The following MINDY4 variants were observed in gnomAD, a reference collection of about 807,000 sequenced individuals.
MINDY4 encodes the protein MINDY lysine 48 deubiquitinase 4, also known as probable ubiquitin carboxyl-terminal hydrolase MINDY-4.
Under a neutral mutation model 87.0 loss-of-function variants are expected in MINDY4, and 68 were observed. The ratio of observed to expected loss-of-function variants is 0.78; its 90% confidence interval spans 0.64 to 0.96. The LOEUF is 0.96. Among genes scored for constraint, MINDY4 ranks in the 40% least tolerant of loss-of-function variants. MINDY4 has a pLI of 0.00. For missense variants in MINDY4, 919 were observed against 928.2 expected, an observed-to-expected ratio of 0.99 and a Z score of 0.13; for synonymous variants, 379 against 363.2, an observed-to-expected ratio of 1.04 and a Z score of -0.50.
chr7:30,813,819 TCTC>T (rs1007927618), intron 5 of MINDY4, among the ~76,000 whole-genome samples: 2 of 152,232 alleles, frequency 1.3e-5, no homozygotes, highest in African/African-American at 4.8e-5. Context: ...CATGTTTCTT[TCTC>T]CTTCTTCTAA....
At chr7:30,847,286 A>G (rs1254788912) in intron 9 of MINDY4, among the ~76,000 whole-genome samples, 1 of 152,238 alleles carries the variant, frequency 6.6e-6, no homozygotes, top group Non-Finnish European at 1.5e-5. Flanking sequence ...TGGCAGAGTT[A>G]CTAACTGGAA....
At chr7:30,782,259 A>G in intron 3 of MINDY4, 47 bp downstream of exon 3, 5 of 1,438,736 alleles carry the variant, frequency 3.5e-6, no homozygotes, top group Non-Finnish European at 3.8e-6. Context: ...TTGCTGCCAT[A>G]ACAAATTACT....
chr7:30,887,662 C>T (rs1790671213), intron 17 of MINDY4, among the ~76,000 whole-genome samples: 2 of 152,218 alleles, frequency 1.3e-5, no homozygotes, highest in South Asian at 4.1e-4. Flanking sequence ...GAACAGCTGG[C>T]CTGGTGGGGG....
At chr7:30,849,193 T>C (rs559086306) in intron 9 of MINDY4, among the ~76,000 whole-genome samples, 1 of 152,268 alleles carries the variant, frequency 6.6e-6, no homozygotes, top group Admixed American at 6.5e-5. Flanking sequence ...TCTCCTGTCC[T>C]GGAAAAGAGG....
intron 8 of MINDY4, among the ~76,000 whole-genome samples, 173 bp downstream of exon 8, chr7:30,839,489 G>A (rs1456337381): frequency 1.3e-5 from 2 of 152,338 alleles, no homozygotes; most frequent in Non-Finnish European, 1.5e-5. Flanking sequence ...TGTGGCTGGT[G>A]CAGCAAGAGC....
intron 5 of MINDY4, among the ~76,000 whole-genome samples, chr7:30,818,882 C>T (rs557161753): frequency 1.2e-3 from 184 of 152,246 alleles, no homozygotes; most frequent in African/African-American, 4.0e-3. Flanking sequence ...ATACTAGTTT[C>T]TTCTTACTGA....
chr7:30,811,221 T>C (rs1401320040), intron 5 of MINDY4, among the ~76,000 whole-genome samples: 3 of 152,064 alleles, frequency 2.0e-5, no homozygotes, highest in Admixed American at 2.0e-4. Flanking sequence ...ACATGTATTA[T>C]AGTAACTTAT....
chr7:30,791,714 TA>T (rs60449260), intron 5 of MINDY4, 140 bp downstream of exon 5: 37,206 of 913,832 alleles, frequency 0.041, 895 homozygotes, highest in Middle Eastern at 0.065. Context: ...ACCGGCAAGG[TA>T]GAGTTTGTTA....
At chr7:30,790,252 G>A (rs913443279) in intron 4 of MINDY4, among the ~76,000 whole-genome samples, 1 of 152,024 alleles carries the variant, frequency 6.6e-6, no homozygotes, top group African/African-American at 2.4e-5. Context: ...TTTTGGAAAG[G>A]AAGTACAGTG....
chr7:30,832,244 C>T lies in MINDY4; in HGVS notation c.1132+3507C>T, dbSNP rs151225013. On this transcript the variant is annotated intron_variant, in intron 6 of 17. Transcript: ENST00000265299. The stretch of plus-strand genomic sequence containing the variant: ...TCAGGCCTGGATCCCTCCCTGACAA[C>T]CTCAGACTAAATAGAAACCTCTAAA... Among the ~76,000 whole-genome samples the T allele has an allele frequency of 5.9e-5, 9 of 152,320 alleles. 1 individual carries two copies. The highest frequency in any genetic ancestry group is 1.7e-4 in the African/African-American group (7 of 41,592).
Position 30,892,281 on chromosome 7 carries a change from T to C in MINDY4, c.*276T>C. 1 of 446,236 alleles carries C rather than the reference T, an allele frequency of 2.2e-6. No individual in the cohort carries two copies. The highest frequency in any genetic ancestry group is 3.6e-5 in the South Asian group (1 of 28,056). 27.6% of individuals were successfully genotyped at this position (446,236 alleles called of 1,614,324 possible). A position where few individuals can be genotyped will look rare whatever the true frequency, so the allele number is the denominator to read the frequency against. ...TCTCTGCTACCTTTGTCTGCATCCC[T>C]CCCTTGCTCCCTGCTGGGTGGTCCC... On this transcript the variant is annotated 3_prime_UTR_variant, in exon 18 of 18. Coordinates refer to ENST00000265299, the MANE Select transcript of MINDY4 (RefSeq NM_032222.3).
At chr7:30,783,895 A>G (rs1361538086) in intron 3 of MINDY4, among the ~76,000 whole-genome samples, 1 of 152,220 alleles carries the variant, frequency 6.6e-6, no homozygotes, top group East Asian at 1.9e-4. Context: ...TAAAAATCTT[A>G]TAAAGAAAAT....
chr7:30,841,571 C>A (rs1209573412), intron 9 of MINDY4, among the ~76,000 whole-genome samples: 1 of 152,186 alleles, frequency 6.6e-6, no homozygotes, highest in Non-Finnish European at 1.5e-5. Flanking sequence ...TCCCTGCAGG[C>A]CCGGTTACCA....
chr7:30,845,544 C>T (rs1376861629), intron 9 of MINDY4, among the ~76,000 whole-genome samples: 1 of 148,184 alleles, frequency 6.7e-6, no homozygotes, highest in Non-Finnish European at 1.5e-5. Flanking sequence ...AAAGGGCAAG[C>T]TCTTCTGTTT....
intron 5 of MINDY4, among the ~76,000 whole-genome samples, chr7:30,797,370 CAG>C: frequency 6.6e-6 from 1 of 152,294 alleles, no homozygotes. Flanking sequence ...GGAAGAGTGA[CAG>C]GGAGCCCTGG....
chr7:30,871,147 G>T (rs1186573471), intron 13 of MINDY4, among the ~76,000 whole-genome samples: 1 of 152,238 alleles, frequency 6.6e-6, no homozygotes, highest in Non-Finnish European at 1.5e-5. Context: ...TCCCCCCAGG[G>T]TCATGTGCAG....
intron 17 of MINDY4, among the ~76,000 whole-genome samples, chr7:30,890,774 T>A (rs956263070): frequency 7.2e-5 from 11 of 152,074 alleles, no homozygotes; most frequent in African/African-American, 2.7e-4. Flanking sequence ...AGTGGAAGTT[T>A]AGGCTATGTC....
chr7:30,879,212 A>T (rs1389265284), intron 15 of MINDY4, among the ~76,000 whole-genome samples: 1 of 152,166 alleles, frequency 6.6e-6, no homozygotes, highest in Non-Finnish European at 1.5e-5. Flanking sequence ...ATTAAGGTAA[A>T]ATGAGGTCAC....
intron 5 of MINDY4, among the ~76,000 whole-genome samples, chr7:30,818,903 TTGATAA>T (rs1410313651): frequency 6.6e-6 from 1 of 152,250 alleles, no homozygotes; most frequent in Non-Finnish European, 1.5e-5. Flanking sequence ...AAAGCTCCTA[TTGATAA>T]TGTTTAGTTT....
Sources: allele counts gnomAD v4.1 joint callset (sites outside exome capture counted in the v4.1 genomes callset), GRCh38; gene constraint gnomAD v4.1.1; transcripts MANE v1.5; gene names NCBI Gene and HGNC (gene_info 2026-07-23, HGNC 2026-07-21).